Variants in ROBO1 observed in about 807,000 individuals in gnomAD.
The protein encoded by ROBO1 is roundabout guidance receptor 1.
Under a neutral mutation model 195.9 loss-of-function variants are expected in ROBO1, and 149 were observed. The observed-to-expected ratio is 0.76, with a 90% CI of 0.67 to 0.87. The LOEUF is 0.87. Among genes scored for constraint, ROBO1 ranks in the 40% least tolerant of loss-of-function variants. ROBO1 has a pLI of 0.00. For synonymous variants in ROBO1, 816 were observed against 733.2 expected (o/e 1.11, Z -1.82); for missense variants, 1,933 against 2,068.3 (o/e 0.93, Z 1.27).
chr3:79,275,264 T>G (rs904945855), intron 2 of ROBO1, among the ~76,000 whole-genome samples: 1 of 151,782 alleles, frequency 6.6e-6, no homozygotes, highest in Admixed American at 6.6e-5. Context: ...TTCAACAACA[T>G]ATAAAAGATC....
At chr3:78,788,477 C>T (rs2083920035) in intron 4 of ROBO1, among the ~76,000 whole-genome samples, 1 of 141,338 alleles carries the variant, frequency 7.1e-6, no homozygotes, top group African/African-American at 2.6e-5. Flanking sequence ...CCACTTAGGA[C>T]CTAGAATATT....
intron 2 of ROBO1, among the ~76,000 whole-genome samples, chr3:79,516,602 T>C (rs1940955511): frequency 6.6e-6 from 1 of 152,152 alleles, no homozygotes; most frequent in Non-Finnish European, 1.5e-5. Flanking sequence ...ATTCCCTTTT[T>C]ATTACACATA....
At chr3:78,663,368 T>G (rs1707542675) in intron 14 of ROBO1, among the ~76,000 whole-genome samples, 1 of 152,096 alleles carries the variant, frequency 6.6e-6, no homozygotes, top group African/African-American at 2.4e-5. Context: ...CATCCCATAC[T>G]TCATCTTCCT....
chr3:78,648,503 C>T (rs1221022747), intron 19 of ROBO1, among the ~76,000 whole-genome samples: 1 of 151,886 alleles, frequency 6.6e-6, no homozygotes, highest in African/African-American at 2.4e-5. Flanking sequence ...ATCAATAATG[C>T]CTGAAATTGA....
chr3:79,036,938 T>A (rs1216872756), intron 3 of ROBO1, among the ~76,000 whole-genome samples: 2 of 152,178 alleles, frequency 1.3e-5, no homozygotes, highest in African/African-American at 2.4e-5. Flanking sequence ...TCTCGAGTTC[T>A]CATAGCAAAT....
At chr3:78,632,121 T>C (rs1705222716) in intron 24 of ROBO1, among the ~76,000 whole-genome samples, 1 of 152,228 alleles carries the variant, frequency 6.6e-6, no homozygotes, top group Non-Finnish European at 1.5e-5. Flanking sequence ...TTTTGATTCA[T>C]ATGTGAATTA....
In ROBO1 at chr3:79,267,052, C is replaced by T. The variant is rs1284348688; in HGVS notation, c.89-141513G>A. ...CTATATACACAAATGGCATGCTATT[C>T]TATATGGCAGCCACTATCCATATGT... On this transcript the variant is annotated intron_variant, in intron 2 of 30. Coordinates refer to ENST00000464233, the MANE Select transcript of ROBO1 (RefSeq NM_002941.4). 8.6e-5 allele frequency among the ~76,000 whole-genome samples: 13 copies of T among 151,418 alleles called. No individual in the cohort carries two copies. The East Asian group carries it at 9.7e-4, about 11-fold the overall frequency.
chr3:78,679,291 C>T (rs2080826970), intron 10 of ROBO1, among the ~76,000 whole-genome samples: 1 of 152,224 alleles, frequency 6.6e-6, no homozygotes, highest in Admixed American at 6.5e-5. Flanking sequence ...TCTCTCACCA[C>T]TCCTATTCAA....
At chr3:79,743,952 C>T (rs1210847346) in intron 1 of ROBO1, among the ~76,000 whole-genome samples, 1 of 152,012 alleles carries the variant, frequency 6.6e-6, no homozygotes, top group African/African-American at 2.4e-5. Flanking sequence ...GGCTGTTTTA[C>T]AATTAACTTT....
At chr3:79,675,224 AATTG>A (rs772589361) in intron 1 of ROBO1, among the ~76,000 whole-genome samples, 15 of 136,214 alleles carry the variant, frequency 1.1e-4, no homozygotes, top group Non-Finnish European at 2.2e-4. Context: ...AAACAAGAGA[AATTG>A]ATTGTGTTTT....
intron 3 of ROBO1, among the ~76,000 whole-genome samples, chr3:79,016,267 G>A (rs529092292): frequency 2.1e-4 from 32 of 152,294 alleles, no homozygotes; most frequent in Admixed American, 2.6e-4. Flanking sequence ...TTCACAGCAT[G>A]AGCGAAAGTG....
chr3:79,319,930 A>G (rs2033903462), intron 2 of ROBO1, among the ~76,000 whole-genome samples: 1 of 152,158 alleles, frequency 6.6e-6, no homozygotes, highest in Non-Finnish European at 1.5e-5. Context: ...GTAAGGTAAT[A>G]TTAAATAACT....
At chr3:79,661,781 T>G (rs544514476) in intron 1 of ROBO1, among the ~76,000 whole-genome samples, 1 of 152,174 alleles carries the variant, frequency 6.6e-6, no homozygotes, top group East Asian at 1.9e-4. Flanking sequence ...CTATATCACA[T>G]TTTACATATT....
At chr3:79,716,309 G>A (rs1702481954) in intron 1 of ROBO1, among the ~76,000 whole-genome samples, 1 of 151,792 alleles carries the variant, frequency 6.6e-6, no homozygotes, top group Non-Finnish European at 1.5e-5. Flanking sequence ...GACAGTTTAA[G>A]TAAGTGTGGA....
intron 2 of ROBO1, among the ~76,000 whole-genome samples, chr3:79,475,569 A>G (rs1938508721): frequency 6.6e-6 from 1 of 152,106 alleles, no homozygotes; most frequent in South Asian, 2.1e-4. Flanking sequence ...GAATAGAACA[A>G]AAAAACTTGG....
Position 79,371,986 on chromosome 3 carries a change from G to C in ROBO1, c.88+217838C>G, listed in dbSNP as rs543838929. Among the ~76,000 whole-genome samples, 8 of 152,186 alleles carry C rather than the reference G, an allele frequency of 5.3e-5. No individual in the cohort carries two copies. In the East Asian group the frequency reaches 1.6e-3, roughly 30 times the overall value. ...AGGCATTAGATTCTCATAGGGAGCA[G>C]GCAACCTAGATCCCTTACATGTGCA... On this transcript the variant is annotated intron_variant, in intron 2 of 30. Coordinates refer to ENST00000464233, the MANE Select transcript of ROBO1 (RefSeq NM_002941.4).
At chr3:79,512,025 C>T (rs972779785) in intron 2 of ROBO1, among the ~76,000 whole-genome samples, 8 of 152,208 alleles carry the variant, frequency 5.3e-5, no homozygotes, top group East Asian at 1.9e-4. Context: ...CCCCATAACA[C>T]GTTTACCTTT....
At chr3:79,744,401 C>T (rs924514832) in intron 1 of ROBO1, among the ~76,000 whole-genome samples, 1 of 152,122 alleles carries the variant, frequency 6.6e-6, no homozygotes, top group African/African-American at 2.4e-5. Flanking sequence ...ATTGTGTCTC[C>T]TCAGAATTCA....
chr3:78,854,431 A>G (rs920220802), intron 4 of ROBO1, among the ~76,000 whole-genome samples: 45 of 150,608 alleles, frequency 3.0e-4, no homozygotes, highest in African/African-American at 1.0e-3. Context: ...AGAGACATAT[A>G]TCTTACTGGT....
Sources: gnomAD v4.1 joint callset for allele counts (sites outside exome capture counted in the v4.1 genomes callset) on GRCh38, gnomAD v4.1.1 for gene constraint, MANE v1.5 for transcripts, NCBI Gene and HGNC (gene_info 2026-07-23, HGNC 2026-07-21) for gene names.